PRKAA1: variants seen among roughly 807,000 people sequenced by gnomAD.
PRKAA1 encodes the protein 5'-AMP-activated protein kinase catalytic subunit alpha-1.
A neutral mutation model predicts 56.9 loss-of-function variants in PRKAA1; 23 were observed. The ratio of observed to expected loss-of-function variants is 0.40; its 90% CI spans 0.29 to 0.57. The LOEUF (loss-of-function observed/expected upper bound fraction) is 0.57, where lower values mean the gene tolerates loss of function less well. Among genes scored for constraint, PRKAA1 ranks in the 20% least tolerant of loss-of-function variants. The pLI is 0.39. For missense variants in PRKAA1, 413 were observed against 679.7 expected, an observed-to-expected ratio of 0.61 and a Z score of 4.36; for synonymous variants, 226 against 227.0, an observed-to-expected ratio of 1.00 and a Z score of 0.04.
chr5:40,788,318 T>C (rs1744580153), intron 1 of PRKAA1, among the ~76,000 whole-genome samples: 1 of 152,162 alleles, frequency 6.6e-6, no homozygotes, highest in East Asian at 1.9e-4. Flanking sequence ...GATAGCCACA[T>C]ACAGAAGAAT....
chr5:40,775,195 C>T (rs3792822), intron 3 of PRKAA1, among the ~76,000 whole-genome samples: 24,370 of 152,120 alleles, frequency 0.16, 2,033 homozygotes, highest in East Asian at 0.25. Context: ...TCATATAAGC[C>T]GCGAGGCTCA....
chr5:40,786,633 A>G (rs1285215125), intron 1 of PRKAA1, among the ~76,000 whole-genome samples: 1 of 151,650 alleles, frequency 6.6e-6, no homozygotes, highest in East Asian at 1.9e-4. Context: ...CTGAAGAAGA[A>G]AAAAGGATAA....
chr5:40,776,052 C>CATATTAAT (rs1743988893), intron 2 of PRKAA1, among the ~76,000 whole-genome samples: 1 of 152,180 alleles, frequency 6.6e-6, no homozygotes, highest in South Asian at 2.1e-4. Context: ...TTTAAGCAGT[C>CATATTAAT]ATGTGATCTG....
At position 40,798,050 on chromosome 5, in the gene PRKAA1, G is replaced by T. The variant is rs558895607; in HGVS notation, c.127+13C>A. ...CTCAGCTGGGGCCAAGCCTAGTCCC[G>T]CGGGGTTCTCACCCTTCACTTTGCC... On this transcript the variant is annotated intron_variant, in intron 1 of 8. Transcript: ENST00000397128. The T allele has an allele frequency of 1.2e-6, 2 of 1,607,034 alleles. No homozygotes were observed. Among genetic ancestry groups the T allele is most frequent in the African/African-American group, 2.7e-5 (2 of 74,218 alleles).
chr5:40,770,833 C>T (rs996670164), intron 4 of PRKAA1, among the ~76,000 whole-genome samples: 8 of 151,698 alleles, frequency 5.3e-5, no homozygotes, highest in African/African-American at 9.7e-5. Flanking sequence ...TCAGGTGATC[C>T]GCCCGCCTCG....
At position 40,785,837 on chromosome 5, in the gene PRKAA1, CACAGAGAGAGAGAG is replaced by C. The variant is rs1431958225; in HGVS notation, c.128-8265_128-8252del. Among the ~76,000 whole-genome samples, 43 of 52,450 alleles carry C rather than the reference CACAGAGAGAGAGAG, an allele frequency of 8.2e-4. No individual in the cohort carries two copies. In the East Asian group the frequency reaches 9.6e-3, roughly 12 times the overall value. The allele number at this position is 52,450 out of a possible 152,430, so 34.4% of individuals were successfully genotyped here. A position where few individuals can be genotyped will look rare whatever the true frequency, so the allele number is the denominator to read the frequency against. On this transcript the variant is annotated intron_variant, in intron 1 of 8. Coordinates refer to ENST00000397128, the MANE Select transcript of PRKAA1 (RefSeq NM_006251.6). Reference sequence around the variant, plus strand: ...GAAGAGGAGAGCACACACACACACACACAGAGAGAGAGAGAGAGAGAGAGAGAGAGAGAGAGAGA... The same window carrying C: ...GAAGAGGAGAGCACACACACACACACAGAGAGAGAGAGAGAGAGAGAGAGA...
chr5:40,761,937 C>G lies in PRKAA1; in HGVS notation c.*841G>C, dbSNP rs1185025133. 1 of 152,134 alleles carries G rather than the reference C, an allele frequency of 6.6e-6. No individual in the cohort carries two copies. Among genetic ancestry groups the G allele is most frequent in the African/African-American group, 2.4e-5 (1 of 41,418 alleles). 9.4% of individuals were successfully genotyped at this position (152,134 alleles called of 1,614,324 possible). Reference sequence around the variant, plus strand: ...AGCTAAAATGAAATTTAAATTAGGTCTGATATCTGATATGACTTACCATAC... The same window carrying G: ...AGCTAAAATGAAATTTAAATTAGGTGTGATATCTGATATGACTTACCATAC... On this transcript the variant is annotated 3_prime_UTR_variant, in exon 9 of 9. Coordinates refer to ENST00000397128, the MANE Select transcript of PRKAA1 (RefSeq NM_006251.6).
chr5:40,770,348 C>T (rs1385222215), intron 4 of PRKAA1, among the ~76,000 whole-genome samples: 1 of 152,014 alleles, frequency 6.6e-6, no homozygotes, highest in South Asian at 2.1e-4. Flanking sequence ...CATCTGTGGT[C>T]CCAGCTACTT....
chr5:40,780,273 C>A (rs1229818936), intron 1 of PRKAA1, among the ~76,000 whole-genome samples: 3 of 152,116 alleles, frequency 2.0e-5, no homozygotes, highest in African/African-American at 7.2e-5. Flanking sequence ...CATTAAGTAG[C>A]CTGGTATACT....
intron 4 of PRKAA1, among the ~76,000 whole-genome samples, chr5:40,770,896 A>G (rs971177402): frequency 6.6e-6 from 1 of 152,076 alleles, no homozygotes; most frequent in Non-Finnish European, 1.5e-5. Context: ...CAGCCAAAAT[A>G]AATTCATTTT....
intron 3 of PRKAA1, among the ~76,000 whole-genome samples, chr5:40,774,549 A>ATTT (rs34814119): frequency 8.0e-6 from 1 of 125,076 alleles, no homozygotes; most frequent in Non-Finnish European, 1.7e-5. Context: ...TCCAGGCAGA[A>ATTT]TTTTTTTTTT....
chr5:40,783,144 G>A (rs930141075), intron 1 of PRKAA1, among the ~76,000 whole-genome samples: 29 of 151,840 alleles, frequency 1.9e-4, no homozygotes, highest in Non-Finnish European at 3.7e-4. Context: ...TTAATCTGTA[G>A]TTTTCCTTCT....
intron 8 of PRKAA1, among the ~76,000 whole-genome samples, chr5:40,763,859 T>C (rs538003253): frequency 3.9e-5 from 6 of 152,298 alleles, no homozygotes; most frequent in African/African-American, 1.4e-4. Flanking sequence ...TTTGAGTTTA[T>C]AAAGAAGAAA....
At chr5:40,774,995 A>G in intron 3 of PRKAA1, 2 of 1,573,094 alleles carry the variant, frequency 1.3e-6, no homozygotes, top group Non-Finnish European at 8.7e-7. Flanking sequence ...AATGAATGCA[A>G]TTTAAATGTG....
At chr5:40,773,389 G>T (rs1743841607) in intron 3 of PRKAA1, among the ~76,000 whole-genome samples, 1 of 152,120 alleles carries the variant, frequency 6.6e-6, no homozygotes, top group African/African-American at 2.4e-5. Context: ...TACTGTATTA[G>T]TAACAAGTAC....
Position 40,775,439 on chromosome 5 carries a change from G to A in PRKAA1, c.334C>T (p.Leu112=), listed in dbSNP as rs758929577. Residue 112 remains leucine, a synonymous_variant, in exon 3 of 9, where the codon CTA becomes TTA. Transcript: ENST00000397128. Reference sequence around the variant, plus strand: ...CCATTCTTACAGATATAATCAAATAGCTCTCCTCCTGAGACATATTCCATC... The same window carrying A: ...CCATTCTTACAGATATAATCAAATAACTCTCCTCCTGAGACATATTCCATC... The part of the protein sequence containing the change: ...MVMEYVSGGE[L]FDYICKNGRL... 2.5e-6 allele frequency: 4 copies of A among 1,606,210 alleles called. No individual in the cohort carries two copies. Among genetic ancestry groups the A allele is most frequent in the Non-Finnish European group, 3.4e-6 (4 of 1,172,906 alleles).
chr5:40,771,594 C>CT, intron 4 of PRKAA1, 125 bp downstream of exon 4: 1 of 907,844 alleles, frequency 1.1e-6, no homozygotes, highest in Non-Finnish European at 1.6e-6. Context: ...AAACAGAATA[C>CT]TTTGATATAC....
intron 1 of PRKAA1, among the ~76,000 whole-genome samples, chr5:40,787,901 C>T (rs969756557): frequency 1.3e-5 from 2 of 152,032 alleles, no homozygotes; most frequent in African/African-American, 4.8e-5. Flanking sequence ...CATAGAGTGG[C>T]TAAATGGATA....
intron 1 of PRKAA1, among the ~76,000 whole-genome samples, chr5:40,790,369 T>C (rs117246231): frequency 6.6e-6 from 1 of 152,330 alleles, no homozygotes; most frequent in East Asian, 1.9e-4. Context: ...CTTATGAGTA[T>C]CAACTGCTCC....
Sources: allele counts gnomAD v4.1 joint callset (sites outside exome capture counted in the v4.1 genomes callset), GRCh38; gene constraint gnomAD v4.1.1; transcripts MANE v1.5; gene names NCBI Gene and HGNC (gene_info 2026-07-23, HGNC 2026-07-21).